COL20A1: variants seen among roughly 807,000 people sequenced by gnomAD.
COL20A1 encodes the protein collagen alpha-1(XX) chain.
In COL20A1, 164 loss-of-function variants were observed where a neutral mutation model predicts 152.9. The ratio of observed to expected loss-of-function variants is 1.07; its 90% CI spans 0.94 to 1.22. COL20A1 has a LOEUF of 1.22. Ranked by LOEUF, COL20A1 falls within the 50% of genes most tolerant of loss-of-function variation. COL20A1 has a pLI of 0.00. For missense variants in COL20A1, 1,873 were observed against 1,744.8 expected, an observed-to-expected ratio of 1.07 and a Z score of -1.31; for synonymous variants, 864 against 756.0, an observed-to-expected ratio of 1.14 and a Z score of -2.34.
chr20:63,325,583 G>A, intron 28 of COL20A1, 85 bp from the exon 29 acceptor site: 2 of 1,548,504 alleles, frequency 1.3e-6, no homozygotes, highest in South Asian at 1.1e-5. Flanking sequence ...GGGGGCACAG[G>A]GGTTGGGGGT....
chr20:63,320,893 C>T (rs2068153371), intron 25 of COL20A1, 120 bp from the exon 26 acceptor site: 1 of 737,722 alleles, frequency 1.4e-6, no homozygotes, highest in Non-Finnish European at 2.2e-6. Flanking sequence ...GCCCCTGCCT[C>T]CCAGGTGCGG....
At position 63,325,441 on chromosome 20, in the gene COL20A1, G is replaced by C; in HGVS notation, c.3295G>C (p.Gly1099Arg). The change falls in exon 28 of 36, where the codon GGT (glycine) becomes CGT (arginine). Residue 1099 changes from glycine to arginine, a missense_variant and splice_region_variant. Transcript: ENST00000358894. ...TGTCCAGCCCATCTTCCCCCTCCAG[G>C]GTCCACCAGGGGTCAAAGGAGAGAA... ...PGEQGFPGPR[G>R]PPGVKGEKGD... is the part of the protein sequence containing the mutation. The C allele has an allele frequency of 1.2e-6, 2 of 1,612,326 alleles. No individual in the cohort carries two copies. The highest frequency in any genetic ancestry group is 1.7e-6 in the Non-Finnish European group (2 of 1,179,028).
At position 63,325,652 on chromosome 20, in the gene COL20A1, C is replaced by G. The variant is rs549867250; in HGVS notation, c.3349-16C>G. The G allele has an allele frequency of 6.2e-7, 1 of 1,604,416 alleles. No individual in the cohort carries two copies. Among genetic ancestry groups the G allele is most frequent in the Non-Finnish European group, 8.5e-7 (1 of 1,176,694 alleles). ...ACCCTGGCCCCTGCCTGGCCGGCCC[C>G]TCTGTTCTCTCCCAGGGCCACCCCG... On this transcript the variant is annotated splice_polypyrimidine_tract_variant and intron_variant, in intron 28 of 35. Transcript: ENST00000358894.
At chr20:63,325,052 C>G (rs1289630840) in intron 27 of COL20A1, 4 of 344,818 alleles carry the variant, frequency 1.2e-5, no homozygotes, top group Non-Finnish European at 2.2e-5. Context: ...CTGCCATTCT[C>G]TAGCTCTGCA....
chr20:63,317,696 C>T (rs991279086), intron 21 of COL20A1, among the ~76,000 whole-genome samples: 13 of 152,160 alleles, frequency 8.5e-5, no homozygotes, highest in African/African-American at 2.2e-4. Context: ...GACTGTTCCC[C>T]GGCTTCCCTC....
At chr20:63,300,042 A>G (rs1480875762) in intron 3 of COL20A1, among the ~76,000 whole-genome samples, 1 of 151,896 alleles carries the variant, frequency 6.6e-6, no homozygotes, top group African/African-American at 2.4e-5. Flanking sequence ...TGACCTCCCA[A>G]AGCACTGGGA....
At chr20:63,294,809 G>T (rs909016253) in intron 1 of COL20A1, among the ~76,000 whole-genome samples, 2 of 152,256 alleles carry the variant, frequency 1.3e-5, no homozygotes, top group African/African-American at 4.8e-5. Context: ...ACTGGGGGCT[G>T]GGGGTCCTGT....
chr20:63,323,254 C>A (rs2123428403), intron 27 of COL20A1, among the ~76,000 whole-genome samples: 1 of 152,360 alleles, frequency 6.6e-6, no homozygotes, highest in South Asian at 2.1e-4. Flanking sequence ...TTGCTGGAAC[C>A]AGCCCTGTGT....
Position 63,329,634 on chromosome 20 carries a change from T to C in COL20A1, c.3831T>C (p.Ala1277=), listed in dbSNP as rs769239187. The change falls in exon 35 of 36, where the codon GCT becomes GCC. Residue 1277 remains alanine (A), a synonymous_variant. Transcript: ENST00000358894. The stretch of plus-strand genomic sequence containing the variant: ...TGGGCAGCCCTGGGCAGCAGGGGGC[T>C]AGCACCCAGGGCCTCTGGGAGTGAC... ...GQMGSPGQQG[A]STQGLWE 6.2e-7 allele frequency: 1 copy of C among 1,604,010 alleles called. No homozygotes were observed. Among genetic ancestry groups the C allele is most frequent in the Non-Finnish European group, 8.5e-7 (1 of 1,177,696 alleles).
At chr20:63,314,712 G>T (rs2068061438) in intron 19 of COL20A1, among the ~76,000 whole-genome samples, 1 of 152,084 alleles carries the variant, frequency 6.6e-6, no homozygotes, top group Non-Finnish European at 1.5e-5. Context: ...GCCCATGAAG[G>T]GTTCCGAGCA....
Position 63,313,323 on chromosome 20 carries a change from G to C in COL20A1, c.2209+74G>C, listed in dbSNP as rs2068041065. 6.7e-7 allele frequency: 1 copy of C among 1,494,228 alleles called. No individual in the cohort carries two copies. The highest frequency in any genetic ancestry group is 1.4e-5 in the African/African-American group (1 of 72,582). The allele number at this position is 1,494,228 out of a possible 1,614,324, so 92.6% of individuals were successfully genotyped here. Reference sequence around the variant, plus strand: ...CCAGGGGATCCCTGACTCACCCGCTGCACAGGCCCAGGACCCTAGACTCCC... The same window carrying C: ...CCAGGGGATCCCTGACTCACCCGCTCCACAGGCCCAGGACCCTAGACTCCC... On this transcript the variant is annotated intron_variant, in intron 17 of 35. Coordinates refer to ENST00000358894, the MANE Select transcript of COL20A1 (RefSeq NM_020882.4). The surrounding 1 kb of genome is among the most constrained non-coding windows in gnomAD (Gnocchi z 5.9).
chr20:63,306,046 C>T lies in COL20A1; in HGVS notation c.496+7C>T. 1 of 1,596,194 alleles carries T rather than the reference C, an allele frequency of 6.3e-7. No individual in the cohort carries two copies. Among genetic ancestry groups the T allele is most frequent in the Non-Finnish European group, 8.5e-7 (1 of 1,173,028 alleles). Reference sequence around the variant, plus strand: ...CAGGATCCGCGCACTCCTGGTGGGTCAGAGTGGAGAGAGAGTAAGTCTCCG... The same window carrying T: ...CAGGATCCGCGCACTCCTGGTGGGTTAGAGTGGAGAGAGAGTAAGTCTCCG... On this transcript the variant is annotated splice_region_variant and intron_variant, in intron 5 of 35. Transcript: ENST00000358894. The surrounding 1 kb of genome is among the most constrained non-coding windows in gnomAD (Gnocchi z 6.9).
rs2068120061 is a variant in COL20A1 at position 63,318,982 on chromosome 20, G to A, written c.2664-76G>A. 4 of 1,184,296 alleles carry A rather than the reference G, an allele frequency of 3.4e-6. No individual in the cohort carries two copies. In the African/African-American group the frequency reaches 6.0e-5, roughly 18 times the overall value. The allele number at this position is 1,184,296 out of a possible 1,614,324, so 73.4% of individuals were successfully genotyped here. ...GGGACTGGCACTGGGGCTGGGGCTG[G>A]GCGAGCGGATCGTTCTGCCAGGTTT... On this transcript the variant is annotated intron_variant, in intron 21 of 35. Coordinates refer to ENST00000358894, the MANE Select transcript of COL20A1 (RefSeq NM_020882.4).
In COL20A1 at chr20:63,311,616, TC is replaced by T; in HGVS notation, c.1540-8del. On this transcript the variant is annotated splice_polypyrimidine_tract_variant and splice_region_variant and intron_variant, in intron 12 of 35. Coordinates refer to ENST00000358894, the MANE Select transcript of COL20A1 (RefSeq NM_020882.4). This position sits in a 1 kb window ranked among gnomAD's most constrained non-coding sequence, Gnocchi z 4.4. ...GTGGGGGCTGGCCTGGGACGTCATG[TC>T]TCTGCAGGTGCAGGTCGGGCGGCCC... 6.2e-7 allele frequency: 1 copy of T among 1,610,118 alleles called. No homozygotes were observed. The highest frequency in any genetic ancestry group is 8.5e-7 in the Non-Finnish European group (1 of 1,179,564).
chr20:63,328,471 C>G lies in COL20A1; in HGVS notation c.3754C>G (p.Arg1252Gly). Residue 1252 changes from arginine (R) to glycine (G), a missense_variant, in exon 34 of 36, where the codon CGT (arginine) becomes GGT (glycine). By Grantham distance (125) the Arg-to-Gly change is moderately radical. Coordinates refer to ENST00000358894, the MANE Select transcript of COL20A1 (RefSeq NM_020882.4). ...SKALVPGEWG[R>G]GGRHLEGRGE... is the part of the protein sequence containing the mutation. Reference sequence around the variant, plus strand: ...GGCCCTGGTTCCTGGAGAATGGGGGCGTGGTGGCCGCCACCTTGAGGGCAG... The same window carrying G: ...GGCCCTGGTTCCTGGAGAATGGGGGGGTGGTGGCCGCCACCTTGAGGGCAG... 6.2e-7 allele frequency: 1 copy of G among 1,611,984 alleles called. No homozygotes were observed. Among genetic ancestry groups the G allele is most frequent in the Non-Finnish European group, 8.5e-7 (1 of 1,179,400 alleles).
At chr20:63,312,305 G>A (rs1016335161) in intron 14 of COL20A1, 115 bp from the exon 15 acceptor site, 89 of 1,288,888 alleles carry the variant, frequency 6.9e-5, no homozygotes, top group African/African-American at 3.9e-4. Context: ...CATTTTCCCC[G>A]TTTCTGGGGG....
intron 3 of COL20A1, among the ~76,000 whole-genome samples, chr20:63,304,166 T>C (rs2067893490): frequency 1.4e-5 from 2 of 138,590 alleles, no homozygotes; most frequent in African/African-American, 5.5e-5. Context: ...GGTTCCTCCC[T>C]CCCTTCCTCC....
chr20:63,325,834 G>A (rs2068238933), intron 29 of COL20A1, 113 bp downstream of exon 29: 7 of 990,772 alleles, frequency 7.1e-6, no homozygotes, highest in African/African-American at 1.6e-5. Flanking sequence ...TTTCTCCTGG[G>A]CTCCTGCCTC....
intron 26 of COL20A1, among the ~76,000 whole-genome samples, chr20:63,321,749 C>T (rs186017680): frequency 1.1e-3 from 164 of 152,322 alleles, no homozygotes; most frequent in Admixed American, 1.6e-3. Flanking sequence ...CCACAGGTGA[C>T]GGCTGGGGCT....
Sources: gnomAD v4.1 joint callset for allele counts (sites outside exome capture counted in the v4.1 genomes callset) on GRCh38, gnomAD v4.1.1 for gene constraint, Gnocchi (gnomAD v3.1) non-coding constraint, MANE v1.5 for transcripts, NCBI Gene and HGNC (gene_info 2026-07-23, HGNC 2026-07-21) for gene names.